BTBD8: variants seen among roughly 807,000 people sequenced by gnomAD.
The protein encoded by BTBD8 is BTB/POZ domain-containing protein 8.
A neutral mutation model predicts 162.9 loss-of-function variants in BTBD8; 110 were observed. The observed-to-expected ratio is 0.68, with a 90% CI of 0.58 to 0.79. The LOEUF is 0.79. BTBD8 is among the 30% of genes least tolerant of loss of function. BTBD8 has a pLI of 0.00. For synonymous variants in BTBD8, 667 were observed against 716.1 expected (o/e 0.93, Z 1.10); for missense variants, 1,905 against 2,085.4 (o/e 0.91, Z 1.68).
chr1:92,120,912 A>G (rs1034266214), intron 4 of BTBD8, among the ~76,000 whole-genome samples: 1 of 152,162 alleles, frequency 6.6e-6, no homozygotes. Flanking sequence ...ATAGACGTGC[A>G]CCACCAAGCA....
At chr1:92,083,135 CAAAA>C (rs142871617) in intron 1 of BTBD8, among the ~76,000 whole-genome samples, 1 of 93,332 alleles carries the variant, frequency 1.1e-5, no homozygotes, top group African/African-American at 4.0e-5. Context: ...GACTCTGTCT[CAAAA>C]AAAAAAAAAA....
At position 92,130,124 on chromosome 1, in the gene BTBD8, C is replaced by G. The variant is rs183150157; in HGVS notation, c.752+348C>G. On this transcript the variant is annotated intron_variant, in intron 5 of 17. Coordinates refer to ENST00000636805, the MANE Select transcript of BTBD8 (RefSeq NM_001376131.1). ...TGGGTTGCATTCTGCCGCCTTCTTG[C>G]TGTACACTCATGTGGCCTTTCCTTG... Among the ~76,000 whole-genome samples the G allele has an allele frequency of 2.1e-3, 318 of 152,276 alleles. 3 individuals are homozygous for G. The highest frequency in any genetic ancestry group is 7.3e-3 in the African/African-American group (304 of 41,550).
chr1:92,183,537 T>G (rs1457959852), intron 17 of BTBD8, among the ~76,000 whole-genome samples: 1 of 152,110 alleles, frequency 6.6e-6, no homozygotes, highest in African/African-American at 2.4e-5. Context: ...TTTTTTCTCT[T>G]TTTCTATTGT....
intron 2 of BTBD8, among the ~76,000 whole-genome samples, chr1:92,093,332 A>T (rs1648364441): frequency 6.6e-6 from 1 of 151,546 alleles, no homozygotes; most frequent in Non-Finnish European, 1.5e-5. Context: ...AGCTGGGATT[A>T]CAGGCATGTG....
intron 7 of BTBD8, among the ~76,000 whole-genome samples, chr1:92,146,881 A>C (rs1649938370): frequency 6.6e-6 from 1 of 152,126 alleles, no homozygotes; most frequent in African/African-American, 2.4e-5. Context: ...GTTGCTTCCA[A>C]GTTTGGGCAG....
intron 9 of BTBD8, among the ~76,000 whole-genome samples, chr1:92,164,449 C>G (rs1650339209): frequency 6.6e-6 from 1 of 152,028 alleles, no homozygotes; most frequent in Non-Finnish European, 1.5e-5. Flanking sequence ...GAAACCCCAT[C>G]TCTACTAAAA....
chr1:92,091,401 G>T (rs536632849), intron 2 of BTBD8, among the ~76,000 whole-genome samples: 2 of 152,190 alleles, frequency 1.3e-5, no homozygotes, highest in East Asian at 1.9e-4. Context: ...TATAAATTAC[G>T]CTGTCTCAGG....
At position 92,111,461 on chromosome 1, in the gene BTBD8, G is replaced by A. The variant is rs547651901; in HGVS notation, c.662+3460G>A. The stretch of plus-strand genomic sequence containing the variant: ...TATTTAGTAAATTGGCACTGTGTCC[G>A]AAGATCATTGTTTTGTATGTCCTTG... On this transcript the variant is annotated intron_variant, in intron 4 of 17. Coordinates refer to ENST00000636805, the MANE Select transcript of BTBD8 (RefSeq NM_001376131.1). Among the ~76,000 whole-genome samples the A allele has an allele frequency of 1.1e-4, 16 of 152,258 alleles. No homozygotes were observed. In the South Asian group the frequency reaches 1.7e-3, roughly 16 times the overall value.
Position 92,180,378 on chromosome 1 carries a change from A to G in BTBD8, c.2695A>G (p.Arg899Gly). Reference sequence around the variant, plus strand: ...AACTACAGAGAAACAAGCACCTAAGAGAAAAATGGTCAAGCAAGTACACAC... The same window carrying G: ...AACTACAGAGAAACAAGCACCTAAGGGAAAAATGGTCAAGCAAGTACACAC... ...NTTTEKQAPKRKMVKQVHTAL... is the reference protein window; with the variant it reads ...NTTTEKQAPKGKMVKQVHTAL... The change falls in exon 17 of 18, where the codon AGA becomes GGA. Residue 899 changes from arginine (R) to glycine (G), a missense_variant. By Grantham distance (125) the Arg-to-Gly change is moderately radical. Coordinates refer to ENST00000636805, the MANE Select transcript of BTBD8 (RefSeq NM_001376131.1). 1 of 1,551,686 alleles carries G rather than the reference A, an allele frequency of 6.4e-7. No individual in the cohort carries two copies. Among genetic ancestry groups the G allele is most frequent in the Non-Finnish European group, 8.7e-7 (1 of 1,146,972 alleles).
At chr1:92,148,966 C>G (rs1191200161) in intron 9 of BTBD8, among the ~76,000 whole-genome samples, 1 of 152,130 alleles carries the variant, frequency 6.6e-6, no homozygotes, top group Non-Finnish European at 1.5e-5. Flanking sequence ...CTATAAGAAC[C>G]CAATTTGGGC....
chr1:92,180,729 T>A lies in BTBD8; in HGVS notation c.3046T>A (p.Leu1016Ile), dbSNP rs1386225600. 4 of 1,551,604 alleles carry A rather than the reference T, an allele frequency of 2.6e-6. No individual in the cohort carries two copies. In the Admixed American group the frequency reaches 7.8e-5, roughly 30 times the overall value. The part of the protein sequence containing the change: ...SSCRPDPQKP[L>I]NDQEKEKLAL... ...CTGCAGGCCTGACCCACAAAAGCCATTAAACGATCAAGAAAAAGAGAAGTT... is the reference window on the plus strand; with the variant it reads ...CTGCAGGCCTGACCCACAAAAGCCAATAAACGATCAAGAAAAAGAGAAGTT... The change falls in exon 17 of 18, where the codon TTA (leucine) becomes ATA (isoleucine). Residue 1016 changes from leucine to isoleucine, a missense_variant. Leu to Ile is a conservative substitution (Grantham distance 5). Transcript: ENST00000636805.
At chr1:92,165,718 T>TG (rs1208073766) in intron 9 of BTBD8, among the ~76,000 whole-genome samples, 1 of 152,076 alleles carries the variant, frequency 6.6e-6, no homozygotes, top group African/African-American at 2.4e-5. Flanking sequence ...GGGGCTGAGC[T>TG]GGGGGGCTGG....
At chr1:92,098,870 G>T (rs1648518649) in intron 2 of BTBD8, among the ~76,000 whole-genome samples, 1 of 152,000 alleles carries the variant, frequency 6.6e-6, no homozygotes, top group Admixed American at 6.6e-5. Context: ...TCATTCTCTG[G>T]GTTCTCTTTT....
At position 92,183,928 on chromosome 1, in the gene BTBD8, C is replaced by T; in HGVS notation, c.4977C>T (p.Thr1659=). Residue 1659 remains threonine, a synonymous_variant, in exon 18 of 18, where the codon ACC becomes ACT. Coordinates refer to ENST00000636805, the MANE Select transcript of BTBD8 (RefSeq NM_001376131.1). ...TGTATGACCATCGGCCTTCAAAAAC[C>T]CTGTCTCCAATATATGAGATGGATG... The part of the protein sequence containing the change: ...TRMYDHRPSK[T]LSPIYEMDVI... 6.4e-7 allele frequency: 1 copy of T among 1,551,492 alleles called. No homozygotes were observed. Among genetic ancestry groups the T allele is most frequent in the Non-Finnish European group, 8.7e-7 (1 of 1,146,868 alleles).
chr1:92,087,312 G>A (rs1372921263), intron 1 of BTBD8, among the ~76,000 whole-genome samples: 3 of 152,026 alleles, frequency 2.0e-5, no homozygotes, highest in African/African-American at 7.2e-5. Context: ...GTGGGATGGG[G>A]GGAAGGAGGG....
At chr1:92,164,463 C>G (rs1650339549) in intron 9 of BTBD8, among the ~76,000 whole-genome samples, 1 of 151,900 alleles carries the variant, frequency 6.6e-6, no homozygotes, top group Non-Finnish European at 1.5e-5. Context: ...ACTAAAAATA[C>G]AAAAAATTAG....
chr1:92,129,623 A>C, intron 4 of BTBD8, 64 bp from the exon 5 acceptor site: 3 of 1,308,854 alleles, frequency 2.3e-6, no homozygotes, highest in Non-Finnish European at 2.2e-6. Context: ...AAATTTTCAT[A>C]AAAAATTACA....
At chr1:92,109,184 T>G (rs1648822789) in intron 4 of BTBD8, among the ~76,000 whole-genome samples, 1 of 152,148 alleles carries the variant, frequency 6.6e-6, no homozygotes, top group Non-Finnish European at 1.5e-5. Flanking sequence ...ACATTATATT[T>G]TCCGTATCAT....
At chr1:92,143,188 A>G in intron 7 of BTBD8, among the ~76,000 whole-genome samples, 1 of 152,202 alleles carries the variant, frequency 6.6e-6, no homozygotes, top group East Asian at 1.9e-4. Flanking sequence ...GGGAAAATAA[A>G]AAGTCTCATG....
Sources: gnomAD v4.1 joint callset for allele counts (sites outside exome capture counted in the v4.1 genomes callset) on GRCh38, gnomAD v4.1.1 for gene constraint, MANE v1.5 for transcripts, NCBI Gene and HGNC (gene_info 2026-07-23, HGNC 2026-07-21) for gene names.